RBM25: variants seen among roughly 807,000 people sequenced by gnomAD.
RBM25 encodes the protein RNA-binding protein 25.
A neutral mutation model predicts 120.7 loss-of-function variants in RBM25; 19 were observed. The observed-to-expected ratio is 0.16, with a 90% CI of 0.11 to 0.23. The LOEUF (loss-of-function observed/expected upper bound fraction) is 0.23. Among genes scored for constraint, RBM25 ranks in the 10% least tolerant of loss-of-function variants. The probability of loss-of-function intolerance (pLI) is 1.00; values close to 1 mark genes in which losing one functional copy is unlikely to be tolerated. For missense variants in RBM25, 605 were observed against 1,041.5 expected, an observed-to-expected ratio of 0.58 and a Z score of 5.77; for synonymous variants, 390 against 326.7, an observed-to-expected ratio of 1.19 and a Z score of -2.09.
chr14:73,064,176 C>T (rs1895072000), intron 1 of RBM25, among the ~76,000 whole-genome samples: 1 of 151,444 alleles, frequency 6.6e-6, no homozygotes, highest in Non-Finnish European at 1.5e-5. Context: ...AAAGTACATA[C>T]CATCTTTCAA....
At chr14:73,110,782 G>A (rs1187515601) in intron 14 of RBM25, 49 bp from the exon 15 acceptor site, 2 of 1,544,096 alleles carry the variant, frequency 1.3e-6, no homozygotes, top group African/African-American at 2.8e-5. Flanking sequence ...CAAAAATCAA[G>A]TTGAATGGTG....
chr14:73,103,167 TA>T, intron 9 of RBM25, 24 bp from the exon 10 acceptor site: 1 of 1,600,150 alleles, frequency 6.2e-7, no homozygotes, highest in East Asian at 2.2e-5. Context: ...GAGTTAACTC[TA>T]AAAGTGCTTT....
At chr14:73,068,265 C>A in intron 1 of RBM25, 1 of 841,922 alleles carries the variant, frequency 1.2e-6, no homozygotes, top group African/African-American at 1.7e-5. Flanking sequence ...ACCATTTAGA[C>A]CCCAATAGAT....
At chr14:73,061,802 A>G (rs969850419) in intron 1 of RBM25, among the ~76,000 whole-genome samples, 1 of 151,242 alleles carries the variant, frequency 6.6e-6, no homozygotes, top group Non-Finnish European at 1.5e-5. Flanking sequence ...TCAGGCTCAA[A>G]GGATCCACCT....
chr14:73,100,183 T>C (rs1318746110), intron 9 of RBM25: 1 of 535,542 alleles, frequency 1.9e-6, no homozygotes, highest in African/African-American at 1.9e-5. Context: ...TTAAGTTGAG[T>C]GGGGGAGATT....
At chr14:73,076,730 G>C (rs995072061) in intron 3 of RBM25, among the ~76,000 whole-genome samples, 1 of 152,132 alleles carries the variant, frequency 6.6e-6, no homozygotes. Context: ...AAAGAACATA[G>C]GAATCCTTGT....
Position 73,082,216 on chromosome 14 carries a change from T to G in RBM25, c.325-1278T>G, listed in dbSNP as rs1051844080. On this transcript the variant is annotated intron_variant, in intron 4 of 18. Transcript: ENST00000261973. ...TTTAATGCCATGTTTCAAGTTTCCA[T>G]TAGTTTTCTCTTGTTCTCTGAAGAT... is the stretch of plus-strand genomic sequence containing the variant. 5.9e-5 allele frequency among the ~76,000 whole-genome samples: 9 copies of G among 152,320 alleles called. No individual in the cohort carries two copies. The South Asian group carries it at 1.7e-3, about 28-fold the overall frequency.
rs376759883 is a variant in RBM25 at position 73,076,026 on chromosome 14, G to T, written c.107-293G>T. ...ATTTGTGAAAGGCATTGGTTTTGAG[G>T]ATCACCGAACCACATGAACCCGAAT... On this transcript the variant is annotated intron_variant, in intron 2 of 18. Transcript: ENST00000261973. 1.6e-4 allele frequency among the ~76,000 whole-genome samples: 24 copies of T among 152,084 alleles called. 1 individual carries two copies. The East Asian group carries it at 1.9e-3, about 12-fold the overall frequency.
intron 18 of RBM25, among the ~76,000 whole-genome samples, chr14:73,115,153 CGTGTGTGT>C (rs33924709): frequency 0.027 from 3,898 of 146,772 alleles, 119 homozygotes; most frequent in African/African-American, 0.074. Context: ...GGAACTGATA[CGTGTGTGT>C]GTGTGTGTGT....
chr14:73,066,987 C>T (rs1418348064), intron 1 of RBM25, among the ~76,000 whole-genome samples: 2 of 152,036 alleles, frequency 1.3e-5, no homozygotes, highest in East Asian at 3.8e-4. Context: ...AAAGGGCATA[C>T]CCATATTCTG....
rs1448067560 is a variant in RBM25, at chr14:73,119,758, T to C, written c.2485T>C (p.Leu829=). The C allele has an allele frequency of 6.2e-7, 1 of 1,611,608 alleles. No individual in the cohort carries two copies. The highest frequency in any genetic ancestry group is 1.1e-5 in the South Asian group (1 of 90,052). ...AEVFIVKMWR[L]LIYETEAKKI... The stretch of plus-strand genomic sequence containing the variant: ...AGTTTTTATAGTCAAAATGTGGAGA[T>C]TATTGATATATGAAACAGAAGCCAA... Residue 829 remains leucine, a synonymous_variant, in exon 19 of 19, where the codon TTA becomes CTA. Transcript: ENST00000261973.
chr14:73,107,980 T>G, intron 13 of RBM25, 81 bp downstream of exon 13: 1 of 903,136 alleles, frequency 1.1e-6, no homozygotes, highest in South Asian at 1.5e-5. Context: ...ATAATGCATG[T>G]TCACTAAGTG....
Position 73,097,079 on chromosome 14 carries a change from G to A in RBM25, c.708G>A (p.Lys236=). 1 of 1,608,186 alleles carries A rather than the reference G, an allele frequency of 6.2e-7. No individual in the cohort carries two copies. Among genetic ancestry groups the A allele is most frequent in the Non-Finnish European group, 8.5e-7 (1 of 1,178,220 alleles). The change falls in exon 7 of 19, where the codon AAG becomes AAA. Residue 236 remains lysine, a synonymous_variant. Transcript: ENST00000261973. ...AATCTGATTCTCACCCCAGGAAGAA[G>A]AAGAAGGAAAAGAAGGAGGACGTAT... ...SQESDSHPRK[K]KKEKKEDIFR...
At chr14:73,097,196 CTTTTT>C in intron 7 of RBM25, 96 bp downstream of exon 7, 99 of 137,386 alleles carry the variant, frequency 7.2e-4, no homozygotes, top group Non-Finnish European at 8.9e-4. Flanking sequence ...TTTTTCTTTT[CTTTTT>C]TTTTTTTTTT....
chr14:73,098,119 A>G (rs1235714830), intron 7 of RBM25, among the ~76,000 whole-genome samples: 1 of 152,034 alleles, frequency 6.6e-6, no homozygotes, highest in East Asian at 1.9e-4. Context: ...AAATCCCACA[A>G]ATATTGGAAG....
chr14:73,086,844 A>G (rs945481148), intron 5 of RBM25, among the ~76,000 whole-genome samples: 3 of 152,120 alleles, frequency 2.0e-5, no homozygotes, highest in Non-Finnish European at 4.4e-5. Context: ...AGCTGGGACT[A>G]CAGGCATGTG....
In RBM25 at chr14:73,111,021, C is replaced by G. The variant is rs767553546; in HGVS notation, c.1883C>G (p.Ser628Cys). ...RPISSAPSVS[S>C]ASGNATPNTP... ...ATCAGCTCTGCTCCATCTGTTTCCT[C>G]TGCCAGTGGCAATGCAACACCTAAC... Residue 628 changes from serine (S) to cysteine (C), a missense_variant, in exon 15 of 19, where the codon TCT becomes TGT. Physicochemically the swap from Ser to Cys is moderately radical, Grantham distance 112. This residue lies in a region of RBM25 where 465 missense variants were observed against 741.6 expected (regional missense o/e 0.63). Coordinates refer to ENST00000261973, the MANE Select transcript of RBM25 (RefSeq NM_021239.3). 4 of 1,614,082 alleles carry G rather than the reference C, an allele frequency of 2.5e-6. No individual in the cohort carries two copies. Among genetic ancestry groups the G allele is most frequent in the African/African-American group, 2.7e-5 (2 of 74,938 alleles).
intron 1 of RBM25, among the ~76,000 whole-genome samples, chr14:73,068,904 C>G (rs1895208681): frequency 1.3e-5 from 2 of 151,868 alleles, no homozygotes; most frequent in African/African-American, 4.8e-5. Flanking sequence ...TGGAATAAGA[C>G]TTTATTTTTA....
chr14:73,058,684 A>G lies in RBM25; in HGVS notation c.-37A>G, dbSNP rs763806987. The G allele has an allele frequency of 2.0e-5, 3 of 152,202 alleles. No individual in the cohort carries two copies. Among genetic ancestry groups the G allele is most frequent in the Non-Finnish European group, 2.9e-5 (2 of 68,068 alleles). 9.4% of individuals were successfully genotyped at this position (152,202 alleles called of 1,614,324 possible). ...CTGGATCCCAGAAGGTCGCGAAGGCAGTACCGTTTCCTCAGCGGCGGGTGA... is the reference window on the plus strand; with the variant it reads ...CTGGATCCCAGAAGGTCGCGAAGGCGGTACCGTTTCCTCAGCGGCGGGTGA... On this transcript the variant is annotated 5_prime_UTR_variant, in exon 1 of 19. Transcript: ENST00000261973.
Sources: gnomAD v4.1 joint callset for allele counts (sites outside exome capture counted in the v4.1 genomes callset) on GRCh38, gnomAD v4.1.1 for gene constraint, gnomAD v4.1.1 regional missense constraint, MANE v1.5 for transcripts, NCBI Gene and HGNC (gene_info 2026-07-23, HGNC 2026-07-21) for gene names.